Variants in PAWR observed in about 807,000 individuals in gnomAD.
PAWR encodes the protein pro-apoptotic WT1 regulator.
Under a neutral mutation model 32.0 loss-of-function variants are expected in PAWR, and 23 were observed. That is an observed-to-expected ratio of 0.72 (90% CI 0.52 to 1.02). The LOEUF (loss-of-function observed/expected upper bound fraction) is 1.02, where lower values mean the gene tolerates loss of function less well. Among genes scored for constraint, PAWR ranks in the 50% least tolerant of loss-of-function variants. The pLI, the probability that PAWR is intolerant of heterozygous loss-of-function variation, is 0.00. For missense variants in PAWR, 457 were observed against 437.7 expected, an observed-to-expected ratio of 1.04 and a Z score of -0.39; for synonymous variants, 226 against 187.1, an observed-to-expected ratio of 1.21 and a Z score of -1.70.
intron 2 of PAWR, among the ~76,000 whole-genome samples, chr12:79,687,174 G>A (rs73347530): frequency 0.015 from 2,255 of 152,200 alleles, 66 homozygotes; most frequent in African/African-American, 0.051. Flanking sequence ...TGGATAGATC[G>A]ACTTCAGCCA....
At chr12:79,604,173 C>A in intron 4 of PAWR, 4 of 903,506 alleles carry the variant, frequency 4.4e-6, no homozygotes, top group Non-Finnish European at 5.3e-6. Flanking sequence ...TGTTCATTAA[C>A]TCCAAAAAGT....
intron 2 of PAWR, among the ~76,000 whole-genome samples, chr12:79,672,657 TTGTG>T (rs140550801): frequency 3.7e-4 from 56 of 152,202 alleles, no homozygotes; most frequent in African/African-American, 1.3e-3. Flanking sequence ...ATCAAGTTTA[TTGTG>T]TGTATTAGAT....
intron 3 of PAWR, among the ~76,000 whole-genome samples, chr12:79,617,116 G>A (rs1874776109): frequency 6.6e-6 from 1 of 152,116 alleles, no homozygotes; most frequent in Non-Finnish European, 1.5e-5. Context: ...CCAGCACTTT[G>A]GGAGGCCAAC....
chr12:79,596,521 T>C lies in PAWR; in HGVS notation c.821A>G (p.Asp274Gly). ...ACTTATAATCCATACCTTTTCAAGA[T>C]CTTCAATTTTCTTTTCCAGTGTGCT... ...SSSTLEKKIE[D>G]LEKEVVRERQ... Residue 274 changes from aspartate (D) to glycine (G), a missense_variant, in exon 5 of 7, where the codon GAT becomes GGT. By Grantham distance (94) the Asp-to-Gly change is moderately conservative. Coordinates refer to ENST00000328827, the MANE Select transcript of PAWR (RefSeq NM_002583.4). 1 of 1,545,314 alleles carries C rather than the reference T, an allele frequency of 6.5e-7. No individual in the cohort carries two copies. The highest frequency in any genetic ancestry group is 1.2e-5 in the South Asian group (1 of 85,104).
chr12:79,640,583 A>G (rs1876272796), intron 2 of PAWR, among the ~76,000 whole-genome samples: 1 of 152,044 alleles, frequency 6.6e-6, no homozygotes, highest in African/African-American at 2.4e-5. Context: ...TCTATAAAAA[A>G]TACCAAAATT....
At chr12:79,651,855 C>A (rs1310649451) in intron 2 of PAWR, among the ~76,000 whole-genome samples, 1 of 152,112 alleles carries the variant, frequency 6.6e-6, no homozygotes, top group Non-Finnish European at 1.5e-5. Flanking sequence ...AGAAGCAAGC[C>A]AGTATCTACC....
chr12:79,627,165 A>C (rs546879844), intron 2 of PAWR, among the ~76,000 whole-genome samples: 44 of 152,246 alleles, frequency 2.9e-4, no homozygotes, highest in African/African-American at 1.0e-3. Flanking sequence ...GAATCGCCAC[A>C]CTGACTTCCA....
chr12:79,690,137 G>C lies in PAWR; in HGVS notation c.108C>G (p.Pro36=), dbSNP rs1283411395. The C allele has an allele frequency of 1.3e-6, 2 of 1,518,636 alleles. No homozygotes were observed. Among genetic ancestry groups the C allele is most frequent in the Non-Finnish European group, 1.8e-6 (2 of 1,136,300 alleles). The allele number at this position is 1,518,636 out of a possible 1,614,324, so 94.1% of individuals were successfully genotyped here. The change falls in exon 2 of 7, where the codon CCC becomes CCG. Residue 36 remains proline, a synonymous_variant. Transcript: ENST00000328827. The part of the protein sequence containing the change: ...KREKMRAKQN[P]PGPAPPGGGS... ...CCCCTCCCGGGGGGGCCGGGCCCGG[G>C]GGGTTCTGCTTGGCGCGCATCTTCT...
chr12:79,649,258 T>A (rs977711597), intron 2 of PAWR, among the ~76,000 whole-genome samples: 1 of 152,076 alleles, frequency 6.6e-6, no homozygotes, highest in Non-Finnish European at 1.5e-5. Context: ...TATGAAGAGG[T>A]CAGATTTAAT....
At chr12:79,636,859 A>G (rs563011703) in intron 2 of PAWR, among the ~76,000 whole-genome samples, 13 of 152,270 alleles carry the variant, frequency 8.5e-5, no homozygotes, top group African/African-American at 3.1e-4. Flanking sequence ...TAGACACAAC[A>G]TATGTACATC....
chr12:79,653,629 G>A (rs1288323059), intron 2 of PAWR, among the ~76,000 whole-genome samples: 1 of 152,016 alleles, frequency 6.6e-6, no homozygotes, highest in Non-Finnish European at 1.5e-5. Flanking sequence ...ACAGGCATGC[G>A]CCACCACGCC....
At chr12:79,644,523 G>A (rs1257489199) in intron 2 of PAWR, among the ~76,000 whole-genome samples, 1 of 152,098 alleles carries the variant, frequency 6.6e-6, no homozygotes, top group Non-Finnish European at 1.5e-5. Flanking sequence ...TACCTCAGTT[G>A]TTTTCCTATT....
At chr12:79,669,503 CCTCTT>C (rs1002771318) in intron 2 of PAWR, among the ~76,000 whole-genome samples, 11 of 151,968 alleles carry the variant, frequency 7.2e-5, no homozygotes, top group South Asian at 2.1e-4. Context: ...TAAAAAAACT[CCTCTT>C]CTAATAACCA....
chr12:79,678,722 C>T (rs936369982), intron 2 of PAWR, among the ~76,000 whole-genome samples: 3 of 152,218 alleles, frequency 2.0e-5, no homozygotes, highest in African/African-American at 4.8e-5. Context: ...TGCCTTTGCA[C>T]GTGCTATTTG....
chr12:79,657,596 C>T (rs1252865215), intron 2 of PAWR, among the ~76,000 whole-genome samples: 2 of 152,160 alleles, frequency 1.3e-5, no homozygotes, highest in Non-Finnish European at 1.5e-5. Context: ...CCGAGACCAT[C>T]TTGGCTAACA....
intron 2 of PAWR, among the ~76,000 whole-genome samples, chr12:79,648,806 A>C (rs945051485): frequency 1.4e-5 from 2 of 147,232 alleles, no homozygotes; most frequent in African/African-American, 5.4e-5. Context: ...AAAAAAAAAT[A>C]AAAAAACCCT....
At chr12:79,648,422 A>G (rs1277473340) in intron 2 of PAWR, among the ~76,000 whole-genome samples, 1 of 152,090 alleles carries the variant, frequency 6.6e-6, no homozygotes, top group Non-Finnish European at 1.5e-5. Context: ...TCAATTAAAC[A>G]AAGTCAGAAG....
In PAWR at chr12:79,585,163, A is replaced by G; in HGVS notation, c.*7444T>C. On this transcript the variant is annotated 3_prime_UTR_variant, in exon 7 of 7. Transcript: ENST00000328827. ...AAGATCAGGAGCTTAAAACAAAACA[A>G]AACAAAAACAAACAAAAAACAAGTT... 6.6e-6 allele frequency: 3 copies of G among 453,086 alleles called. No individual in the cohort carries two copies. The highest frequency in any genetic ancestry group is 1.3e-5 in the Non-Finnish European group (3 of 226,038). The allele number at this position is 453,086 out of a possible 1,614,324, so 28.1% of individuals were successfully genotyped here.
intron 2 of PAWR, among the ~76,000 whole-genome samples, chr12:79,645,069 A>ACACACACACACAC (rs1220453183): frequency 0.033 from 4,139 of 124,560 alleles, 68 homozygotes; most frequent in Non-Finnish European, 0.037. Flanking sequence ...CACACACACA[A>ACACACACACACAC]AAATCAATGT....
Sources: allele counts gnomAD v4.1 joint callset (sites outside exome capture counted in the v4.1 genomes callset), GRCh38; gene constraint gnomAD v4.1.1; transcripts MANE v1.5; gene names NCBI Gene and HGNC (gene_info 2026-07-23, HGNC 2026-07-21).